The following BBS4 variants were observed in gnomAD, a reference collection of about 807,000 sequenced individuals.
The protein encoded by BBS4 is BBSome complex member BBS4.
Under a neutral mutation model 71.4 loss-of-function variants are expected in BBS4, and 58 were observed. The ratio of observed to expected loss-of-function variants is 0.81; its 90% confidence interval spans 0.66 to 1.01. The LOEUF is 1.01. BBS4 is among the 50% of genes least tolerant of loss of function. BBS4 has a pLI of 0.00. For synonymous variants in BBS4, 228 were observed against 216.8 expected, an observed-to-expected ratio of 1.05 and a Z score of -0.46; for missense variants, 660 against 607.9, an observed-to-expected ratio of 1.09 and a Z score of -0.90.
rs1567415248 is a variant in BBS4, at chr15:72,715,377, A to G, written c.307A>G (p.Asn103Asp). The G allele has an allele frequency of 6.2e-7, 1 of 1,613,896 alleles. No individual in the cohort carries two copies. Among genetic ancestry groups the G allele is most frequent in the Non-Finnish European group, 8.5e-7 (1 of 1,179,778 alleles). ...CAVLSPQSAD[N>D]LKQVARSLFL... ...AGTTCTTAGTCCTCAGAGTGCTGAT[A>G]ACCTCAAGCAGGTGGCCAGATCTTT... Residue 103 changes from asparagine (N) to aspartate (D), a missense_variant, in exon 5 of 16, where the codon AAC becomes GAC. Coordinates refer to ENST00000268057, the MANE Select transcript of BBS4 (RefSeq NM_033028.5).
At chr15:72,721,679 CT>C (rs2065580218) in intron 6 of BBS4, among the ~76,000 whole-genome samples, 1 of 152,116 alleles carries the variant, frequency 6.6e-6, no homozygotes, top group Non-Finnish European at 1.5e-5. Context: ...GTTGTTTTTA[CT>C]ATTTTTGGAG....
chr15:72,737,231 C>A lies in BBS4; in HGVS notation c.1451-247C>A, dbSNP rs1595955882. ...TTTAGCAATATGTTATTAAGTATAT[C>A]CTGTTATGCAATGTTTAATTTTTAC... On this transcript the variant is annotated intron_variant, in intron 15 of 15. Transcript: ENST00000268057. 1.6e-5 allele frequency: 10 copies of A among 613,402 alleles called. No individual in the cohort carries two copies. In the East Asian group the frequency reaches 2.8e-4, roughly 17 times the overall value. The allele number at this position is 613,402 out of a possible 1,614,324, so 38.0% of individuals were successfully genotyped here.
chr15:72,726,596 C>G (rs1214208629), intron 8 of BBS4, among the ~76,000 whole-genome samples: 2 of 152,122 alleles, frequency 1.3e-5, no homozygotes, highest in Admixed American at 1.3e-4. Context: ...AGTAAATTTT[C>G]TGGTTATATC....
At chr15:72,709,833 T>C (rs2065334013) in intron 3 of BBS4, 54 bp downstream of exon 3, 1 of 1,393,536 alleles carries the variant, frequency 7.2e-7, no homozygotes, top group Non-Finnish European at 1.0e-6. Flanking sequence ...GGTAGGCAAC[T>C]AACAGTGCCT....
chr15:72,687,473 G>A (rs2064880071), intron 1 of BBS4, among the ~76,000 whole-genome samples: 1 of 151,308 alleles, frequency 6.6e-6, no homozygotes, highest in African/African-American at 2.4e-5. Flanking sequence ...GCATCGTGGC[G>A]CTCGCCTGTA....
chr15:72,701,444 T>G (rs79510297), intron 2 of BBS4, among the ~76,000 whole-genome samples: 2 of 152,188 alleles, frequency 1.3e-5, no homozygotes, highest in Admixed American at 6.5e-5. Context: ...ACATGTTTTT[T>G]GGTACACATA....
intron 2 of BBS4, among the ~76,000 whole-genome samples, chr15:72,702,126 G>A (rs1053734882): frequency 2.6e-5 from 4 of 152,072 alleles, no homozygotes; most frequent in East Asian, 1.9e-4. Flanking sequence ...GATTACAGGC[G>A]TGAGCCACTG....
intron 2 of BBS4, chr15:72,698,063 G>A (rs2065108148): frequency 8.8e-6 from 4 of 455,582 alleles, no homozygotes; most frequent in Non-Finnish European, 1.8e-5. Context: ...TACTGCTTGA[G>A]TCTATTTTCT....
At chr15:72,732,028 C>CATTGCTG (rs2065835317) in intron 12 of BBS4, among the ~76,000 whole-genome samples, 1 of 152,196 alleles carries the variant, frequency 6.6e-6, no homozygotes, top group South Asian at 2.1e-4. Context: ...TTGAGTCCAA[C>CATTGCTG]TAAGTTCCAG....
At chr15:72,711,396 G>A (rs917906460) in intron 3 of BBS4, among the ~76,000 whole-genome samples, 4 of 151,912 alleles carry the variant, frequency 2.6e-5, no homozygotes, top group Admixed American at 6.6e-5. Flanking sequence ...TGATCTGCCC[G>A]CTTCGGCCAC....
chr15:72,699,776 ATGT>A (rs1366333718), intron 2 of BBS4, among the ~76,000 whole-genome samples: 4 of 152,176 alleles, frequency 2.6e-5, no homozygotes, highest in African/African-American at 4.8e-5. Flanking sequence ...TTCATACAAC[ATGT>A]TGTTTTGGAG....
chr15:72,702,680 T>C (rs2065191433), intron 2 of BBS4, among the ~76,000 whole-genome samples: 1 of 152,038 alleles, frequency 6.6e-6, no homozygotes, highest in African/African-American at 2.4e-5. Context: ...AGTCTCTTCC[T>C]CTTCCTTCAT....
intron 1 of BBS4, among the ~76,000 whole-genome samples, chr15:72,687,242 C>A (rs1294528880): frequency 6.7e-6 from 1 of 149,720 alleles, no homozygotes; most frequent in Non-Finnish European, 1.5e-5. Flanking sequence ...CCTCAGCCTC[C>A]GGATTAGCTG....
intron 6 of BBS4, among the ~76,000 whole-genome samples, chr15:72,719,935 G>C (rs916869698): frequency 8.6e-5 from 13 of 151,728 alleles, no homozygotes; most frequent in African/African-American, 2.9e-4. Flanking sequence ...ATTTTTAGTA[G>C]AGATGAGGTT....
At chr15:72,730,398 A>T (rs1353505944) in intron 10 of BBS4, among the ~76,000 whole-genome samples, 4 of 152,158 alleles carry the variant, frequency 2.6e-5, no homozygotes, top group African/African-American at 9.7e-5. Flanking sequence ...GGAGTTCAAG[A>T]CCAGGCTGGG....
At chr15:72,722,888 C>G (rs746778011) in intron 7 of BBS4, 41 bp downstream of exon 7, 7 of 1,560,722 alleles carry the variant, frequency 4.5e-6, no homozygotes, top group Non-Finnish European at 6.2e-6. Flanking sequence ...TGAGGGTGCA[C>G]TTGTTGCAGA....
In BBS4 at chr15:72,735,846, G is replaced by A; in HGVS notation, c.1128G>A (p.Leu376=). Residue 376 remains leucine (L), a synonymous_variant, in exon 14 of 16, where the codon CTG becomes CTA. Coordinates refer to ENST00000268057, the MANE Select transcript of BBS4 (RefSeq NM_033028.5). ...ACAGGTGTAACCCTTTAGTAAACCTGAACTATGCTGTGCTGCTGTACAACC... is the reference window on the plus strand; with the variant it reads ...ACAGGTGTAACCCTTTAGTAAACCTAAACTATGCTGTGCTGCTGTACAACC... ...HLDKCNPLVN[L]NYAVLLYNQG... 6.2e-7 allele frequency: 1 copy of A among 1,614,096 alleles called. No homozygotes were observed. The highest frequency in any genetic ancestry group is 8.5e-7 in the Non-Finnish European group (1 of 1,180,016).
At chr15:72,727,710 A>C (rs1006636327) in intron 8 of BBS4, among the ~76,000 whole-genome samples, 49 of 152,156 alleles carry the variant, frequency 3.2e-4, no homozygotes, top group African/African-American at 1.2e-3. Context: ...TACCCTAAGA[A>C]AGGAATCTGA....
intron 1 of BBS4, among the ~76,000 whole-genome samples, chr15:72,689,624 T>C (rs1053295951): frequency 6.6e-6 from 1 of 151,414 alleles, no homozygotes; most frequent in Non-Finnish European, 1.5e-5. Flanking sequence ...TCCCAGCTAC[T>C]GGGGAGGATC....
Sources: gnomAD v4.1 joint callset for allele counts (sites outside exome capture counted in the v4.1 genomes callset) on GRCh38, gnomAD v4.1.1 for gene constraint, MANE v1.5 for transcripts, NCBI Gene and HGNC (gene_info 2026-07-23, HGNC 2026-07-21) for gene names.